The following PRPS2 variants were observed in gnomAD, a reference collection of about 807,000 sequenced individuals.
The protein encoded by PRPS2 is ribose-phosphate pyrophosphokinase 2.
For synonymous variants in PRPS2, 111 were observed against 115.3 expected (o/e 0.96, Z 0.24); for missense variants, 104 against 271.5 (o/e 0.38, Z 4.34).
At chrX:12,796,447 C>T (rs1007168900) in intron 1 of PRPS2, among the ~76,000 whole-genome samples, 3 of 110,544 alleles carry the variant, frequency 2.7e-5, no homozygotes, top group Admixed American at 9.6e-5. Flanking sequence ...GAACTCCAGA[C>T]CTCAGGTGAT....
chrX:12,821,783 C>T (rs2042677600), intron 6 of PRPS2, among the ~76,000 whole-genome samples: 2 of 112,206 alleles, frequency 1.8e-5, no homozygotes, highest in African/African-American at 6.5e-5. Context: ...TGCTCCTTCC[C>T]GTCCCTGCTG....
At chrX:12,805,459 C>T (rs1261990040) in intron 2 of PRPS2, among the ~76,000 whole-genome samples, 1 of 111,715 alleles carries the variant, frequency 9.0e-6, no homozygotes, top group African/African-American at 3.3e-5. Context: ...CTTTGTGGGC[C>T]GTTGGGTATC....
At chrX:12,798,072 A>G (rs2042552884) in intron 1 of PRPS2, among the ~76,000 whole-genome samples, 1 of 112,118 alleles carries the variant, frequency 8.9e-6, no homozygotes, top group Non-Finnish European at 1.9e-5. Context: ...GATGAAATGC[A>G]GATGGGACTT....
chrX:12,793,234 A>G (rs191515683), intron 1 of PRPS2, among the ~76,000 whole-genome samples: 15 of 112,552 alleles, frequency 1.3e-4, no homozygotes, highest in African/African-American at 4.8e-4. Flanking sequence ...TTGAAAGCAA[A>G]TATGTTGCCC....
chrX:12,816,555 G>A (rs186964183), intron 4 of PRPS2, among the ~76,000 whole-genome samples: 31 of 111,393 alleles, frequency 2.8e-4, no homozygotes, highest in Non-Finnish European at 3.2e-4. Flanking sequence ...TGCCTGCCTC[G>A]GCCTCCCAAA....
chrX:12,811,042 C>T (rs1428126800), intron 4 of PRPS2, among the ~76,000 whole-genome samples: 1 of 111,714 alleles, frequency 9.0e-6, no homozygotes, highest in Admixed American at 9.4e-5. Flanking sequence ...AAATGTGCTC[C>T]AGGCTGCAGA....
intron 4 of PRPS2, among the ~76,000 whole-genome samples, chrX:12,812,290 T>G (rs2239490): frequency 0.34 from 37,601 of 110,909 alleles, 4,723 homozygotes; most frequent in East Asian, 0.51. Context: ...GAGCGTCAGA[T>G]GTAACTGGGT....
At chrX:12,816,735 T>C (rs1338739336) in intron 4 of PRPS2, among the ~76,000 whole-genome samples, 2 of 111,915 alleles carry the variant, frequency 1.8e-5, no homozygotes, top group Non-Finnish European at 3.8e-5. Context: ...CCCCTGCCCC[T>C]CACCACATCT....
Position 12,814,068 on chromosome X carries a change from A to T in PRPS2, c.530+3922A>T, listed in dbSNP as rs3835359. ...AATGAAATAAGAATCCAGCCCCCCCACCCCCGACTCTACTGTCTAGTTTTT... is the reference window on the plus strand; with the variant it reads ...AATGAAATAAGAATCCAGCCCCCCCTCCCCCGACTCTACTGTCTAGTTTTT... On this transcript the variant is annotated intron_variant, in intron 4 of 6. Coordinates refer to ENST00000380668, the MANE Select transcript of PRPS2 (RefSeq NM_002765.5). Among the ~76,000 whole-genome samples the T allele has an allele frequency of 4.0e-4, 20 of 49,997 alleles. No homozygotes were observed. In the Admixed American group the frequency reaches 5.0e-3, roughly 12 times the overall value. The allele number at this position is 49,997 out of a possible 115,157, so 43.4% of individuals were successfully genotyped here.
At chrX:12,802,559 G>A (rs1022644304) in intron 2 of PRPS2, among the ~76,000 whole-genome samples, 6 of 111,174 alleles carry the variant, frequency 5.4e-5, no homozygotes. Context: ...GGCTGGTCTC[G>A]AACTCCTGGC....
chrX:12,800,028 G>C (rs1012242059), intron 2 of PRPS2, among the ~76,000 whole-genome samples: 1 of 112,494 alleles, frequency 8.9e-6, no homozygotes. Flanking sequence ...AATGTGGTTG[G>C]TCTTTGCCTT....
At position 12,822,854 on chromosome X, in the gene PRPS2, C is replaced by T. The variant is rs775638728; in HGVS notation, c.*58C>T. The T allele has an allele frequency of 9.7e-7, 1 of 1,029,058 alleles. No homozygotes were observed. The highest frequency in any genetic ancestry group is 1.4e-6 in the Non-Finnish European group (1 of 734,743). The allele number at this position is 1,029,058 out of a possible 1,213,427, so 84.8% of individuals were successfully genotyped here. On this transcript the variant is annotated 3_prime_UTR_variant, in exon 7 of 7. Coordinates refer to ENST00000380668, the MANE Select transcript of PRPS2 (RefSeq NM_002765.5). ...CTGACTTCTGACTTGTTTTTGTTTT[C>T]TGGATTTTTAGCTGTAGGTATTCAG...
At chrX:12,820,952 A>G (rs1023979198) in intron 6 of PRPS2, 149 bp downstream of exon 6, 1 of 574,784 alleles carries the variant, frequency 1.7e-6, no homozygotes, top group African/African-American at 2.3e-5. Flanking sequence ...GATATAAATC[A>G]TATTAGATCC....
At chrX:12,792,224 C>T (rs1254467663) in intron 1 of PRPS2, among the ~76,000 whole-genome samples, 1 of 112,401 alleles carries the variant, frequency 8.9e-6, no homozygotes, top group Non-Finnish European at 1.9e-5. Context: ...ATTTTACAAG[C>T]TTCCCTGGCT....
Position 12,814,060 on chromosome X carries a change from G to GC in PRPS2, c.530+3921dup, listed in dbSNP as rs202209305. 9.7e-3 allele frequency among the ~76,000 whole-genome samples: 431 copies of GC among 44,643 alleles called. 4 individuals carry two copies. The highest frequency in any genetic ancestry group is 0.041 in the African/African-American group (409 of 10,059). 38.8% of individuals were successfully genotyped at this position (44,643 alleles called of 115,157 possible). A position where few individuals can be genotyped will look rare whatever the true frequency, so the allele number is the denominator to read the frequency against. The stretch of plus-strand genomic sequence containing the variant: ...GAATAAAGAATGAAATAAGAATCCA[G>GC]CCCCCCCACCCCCGACTCTACTGTC... On this transcript the variant is annotated intron_variant, in intron 4 of 6. Coordinates refer to ENST00000380668, the MANE Select transcript of PRPS2 (RefSeq NM_002765.5).
intron 2 of PRPS2, among the ~76,000 whole-genome samples, chrX:12,808,034 A>G: frequency 9.1e-6 from 1 of 109,593 alleles, no homozygotes; most frequent in East Asian, 2.9e-4. Context: ...CGCCTGGCTA[A>G]TTTTTTGTGT....
At chrX:12,818,517 C>T (rs185896535) in intron 4 of PRPS2, among the ~76,000 whole-genome samples, 3 of 110,602 alleles carry the variant, frequency 2.7e-5, no homozygotes, top group African/African-American at 6.6e-5. Context: ...TCAGAGCACG[C>T]GAGGAGCTCC....
intron 4 of PRPS2, among the ~76,000 whole-genome samples, chrX:12,817,544 C>G (rs1237347365): frequency 9.2e-6 from 1 of 108,169 alleles, no homozygotes; most frequent in Admixed American, 9.9e-5. Flanking sequence ...AGCAATTCCA[C>G]TCTGAGGTAT....
intron 2 of PRPS2, 68 bp from the exon 3 acceptor site, chrX:12,809,166 C>T (rs761715725): frequency 3.6e-5 from 35 of 966,691 alleles, no homozygotes; most frequent in Admixed American, 1.9e-4. Flanking sequence ...TTCTCATGTA[C>T]GTCTTAGTGG....
Sources: allele counts gnomAD v4.1 joint callset (sites outside exome capture counted in the v4.1 genomes callset), GRCh38; gene constraint gnomAD v4.1.1; transcripts MANE v1.5; gene names NCBI Gene and HGNC (gene_info 2026-07-23, HGNC 2026-07-21).